Variants in ZNF471 observed in about 807,000 individuals in gnomAD.
The protein encoded by ZNF471 is EZFIT-related protein 1.
In ZNF471, 7 loss-of-function variants were observed where a neutral mutation model predicts 13.7. The ratio of observed to expected loss-of-function variants is 0.51; its 90% CI spans 0.29 to 0.96. ZNF471 has a LOEUF of 0.96. Among genes scored for constraint, ZNF471 ranks in the 40% least tolerant of loss-of-function variants. ZNF471 has a pLI of 0.08. For missense variants in ZNF471, 663 were observed against 743.3 expected (o/e 0.89, Z 1.26); for synonymous variants, 218 against 235.6 (o/e 0.93, Z 0.68).
intron 4 of ZNF471, among the ~76,000 whole-genome samples, chr19:56,523,411 CT>C (rs2044000195): frequency 6.7e-6 from 1 of 150,056 alleles, no homozygotes; most frequent in African/African-American, 2.5e-5. Context: ...TTTTACCAGG[CT>C]GTTGAAAGTA....
chr19:56,512,940 A>G (rs2043831409), intron 2 of ZNF471, among the ~76,000 whole-genome samples: 1 of 152,204 alleles, frequency 6.6e-6, no homozygotes, highest in Non-Finnish European at 1.5e-5. Flanking sequence ...AGATATTAAA[A>G]AACATTTACA....
chr19:56,515,729 C>G (rs1331216095), intron 2 of ZNF471, among the ~76,000 whole-genome samples: 2 of 152,174 alleles, frequency 1.3e-5, no homozygotes, highest in African/African-American at 4.8e-5. Flanking sequence ...GTGATTATAA[C>G]TGGTCATTAA....
Position 56,525,397 on chromosome 19 carries a change from G to T in ZNF471, c.1330G>T (p.Ala444Ser). The part of the protein sequence containing the change: ...DICGKDFSHH[A>S]SLTQHQRVHS... ...ATGTGGGAAAGATTTTAGCCATCAT[G>T]CATCACTCACTCAGCATCAAAGAGT... The change falls in exon 5 of 5, where the codon GCA becomes TCA. Residue 444 changes from alanine (A) to serine (S), a missense_variant. Ala to Ser is a moderately conservative substitution (Grantham distance 99, BLOSUM62 1). Coordinates refer to ENST00000308031, the MANE Select transcript of ZNF471 (RefSeq NM_020813.4). 1 of 1,614,020 alleles carries T rather than the reference G, an allele frequency of 6.2e-7. No individual in the cohort carries two copies. The highest frequency in any genetic ancestry group is 8.5e-7 in the Non-Finnish European group (1 of 1,180,010).
chr19:56,525,785 G>A lies in ZNF471; in HGVS notation c.1718G>A (p.Cys573Tyr). ...CATACTGGAGAGAAACCCTATAAAT[G>A]TACTGAATGTGGAAAGGCTTTTAGT... is the stretch of plus-strand genomic sequence containing the variant. The part of the protein sequence containing the change: ...RIHTGEKPYK[C>Y]TECGKAFSDS... The change falls in exon 5 of 5, where the codon TGT (cysteine) becomes TAT (tyrosine). Residue 573 changes from cysteine to tyrosine, a missense_variant. By Grantham distance (194) the Cys-to-Tyr change is radical. Transcript: ENST00000308031. 6.2e-7 allele frequency: 1 copy of A among 1,614,114 alleles called. No individual in the cohort carries two copies. Among genetic ancestry groups the A allele is most frequent in the Non-Finnish European group, 8.5e-7 (1 of 1,180,012 alleles).
chr19:56,523,693 T>A (rs1338495976), intron 4 of ZNF471, among the ~76,000 whole-genome samples: 5 of 152,324 alleles, frequency 3.3e-5, no homozygotes, highest in Admixed American at 3.3e-4. Context: ...GAAAACCAAT[T>A]ACAAGTGGAA....
Position 56,510,512 on chromosome 19 carries a change from G to A in ZNF471, c.-55-1005G>A. 2.0e-6 allele frequency: 2 copies of A among 985,762 alleles called. No individual in the cohort carries two copies. Among genetic ancestry groups the A allele is most frequent in the South Asian group, 4.7e-5 (1 of 21,280 alleles). 61.1% of individuals were successfully genotyped at this position (985,762 alleles called of 1,614,324 possible). A position where few individuals can be genotyped will look rare whatever the true frequency, so the allele number is the denominator to read the frequency against. ...TGTGTGTGAGAGAAGTAAGATTGGG[G>A]GTATGTGTGAAGGTGTTGGTGAATC... On this transcript the variant is annotated intron_variant, in intron 1 of 4. Coordinates refer to ENST00000308031, the MANE Select transcript of ZNF471 (RefSeq NM_020813.4). This position sits in a 1 kb window ranked among gnomAD's most constrained non-coding sequence, Gnocchi z 4.3.
intron 4 of ZNF471, among the ~76,000 whole-genome samples, chr19:56,520,003 T>G (rs1051873419): frequency 4.6e-5 from 7 of 152,190 alleles, no homozygotes; most frequent in Non-Finnish European, 7.3e-5. Context: ...TTCAGTATCA[T>G]TCCGGGTTTC....
In ZNF471 at chr19:56,525,714, G is replaced by A; in HGVS notation, c.1647G>A (p.Gly549=). The part of the protein sequence containing the change: ...GEKPYECNEC[G]KAFSQTSNLT... ...AACCTTATGAGTGTAATGAATGCGG[G>A]AAAGCCTTCAGCCAAACTTCCAATC... is the stretch of plus-strand genomic sequence containing the variant. Residue 549 remains glycine (G), a synonymous_variant, in exon 5 of 5, where the codon GGG becomes GGA. Transcript: ENST00000308031. The A allele has an allele frequency of 6.2e-7, 1 of 1,613,790 alleles. No individual in the cohort carries two copies. Among genetic ancestry groups the A allele is most frequent in the Non-Finnish European group, 8.5e-7 (1 of 1,179,794 alleles).
rs1223792330 is a variant in ZNF471, at chr19:56,529,364, G to A, written c.*3416G>A. On this transcript the variant is annotated 3_prime_UTR_variant, in exon 5 of 5. Coordinates refer to ENST00000308031, the MANE Select transcript of ZNF471 (RefSeq NM_020813.4). Reference sequence around the variant, plus strand: ...AGTTCATTCTATACTCATTACAGATGTAAGAGGTTAAGATGGTAGAGGAGA... The same window carrying A: ...AGTTCATTCTATACTCATTACAGATATAAGAGGTTAAGATGGTAGAGGAGA... The A allele has an allele frequency of 9.6e-6, 1 of 104,292 alleles. No individual in the cohort carries two copies. The highest frequency in any genetic ancestry group is 2.2e-5 in the Non-Finnish European group (1 of 45,730). The allele number at this position is 104,292 out of a possible 1,614,324, so 6.5% of individuals were successfully genotyped here. A position where few individuals can be genotyped will look rare whatever the true frequency, so the allele number is the denominator to read the frequency against.
chr19:56,509,855 G>C (rs1331328896), intron 1 of ZNF471: 2 of 985,154 alleles, frequency 2.0e-6, no homozygotes, highest in Non-Finnish European at 2.4e-6. Context: ...TGTTATCAGG[G>C]ACTGGATTGT....
chr19:56,525,824 G>T lies in ZNF471; in HGVS notation c.1757G>T (p.Cys586Phe). 1 of 1,614,164 alleles carries T rather than the reference G, an allele frequency of 6.2e-7. No homozygotes were observed. Among genetic ancestry groups the T allele is most frequent in the Non-Finnish European group, 8.5e-7 (1 of 1,180,024 alleles). Residue 586 changes from cysteine to phenylalanine, a missense_variant, in exon 5 of 5, where the codon TGT becomes TTT. Coordinates refer to ENST00000308031, the MANE Select transcript of ZNF471 (RefSeq NM_020813.4). ...CGKAFSDSSS[C>F]AQHQRLHTGQ... ...AAGGCTTTTAGTGATAGCTCATCCT[G>T]TGCTCAGCATCAAAGACTCCACACT... is the stretch of plus-strand genomic sequence containing the variant.
intron 1 of ZNF471, among the ~76,000 whole-genome samples, chr19:56,509,020 TGGCTTAC>T (rs747848719): frequency 4.6e-5 from 7 of 152,242 alleles, no homozygotes; most frequent in African/African-American, 7.2e-5. Flanking sequence ...TTATGTTTCC[TGGCTTAC>T]GACTTCTAAG....
chr19:56,507,952 C>G, intron 1 of ZNF471, 32 bp downstream of exon 1: 2 of 985,918 alleles, frequency 2.0e-6, no homozygotes, highest in Non-Finnish European at 2.4e-6. Flanking sequence ...AGTCCGAGCT[C>G]GAGGGCTGGG....
Position 56,530,125 on chromosome 19 carries a change from G to A in ZNF471, c.*4177G>A, listed in dbSNP as rs2044090801. On this transcript the variant is annotated 3_prime_UTR_variant, in exon 5 of 5. Coordinates refer to ENST00000308031, the MANE Select transcript of ZNF471 (RefSeq NM_020813.4). The stretch of plus-strand genomic sequence containing the variant: ...ATGAGATGGATCTCTACTCAAAGAT[G>A]TCTTGCAGTTTATGAACTGAGATGT... The A allele has an allele frequency of 6.6e-6, 1 of 152,208 alleles. No individual in the cohort carries two copies. The highest frequency in any genetic ancestry group is 2.4e-5 in the African/African-American group (1 of 41,452). The allele number at this position is 152,208 out of a possible 1,614,324, so 9.4% of individuals were successfully genotyped here.
In ZNF471 at chr19:56,513,182, C is replaced by T. The variant is rs1180511787; in HGVS notation, c.33+1578C>T. Reference sequence around the variant, plus strand: ...ACTGTCTTTAGTTTTGATATTTAACCTCATACTCCTGAATAATGTTCCATA... The same window carrying T: ...ACTGTCTTTAGTTTTGATATTTAACTTCATACTCCTGAATAATGTTCCATA... On this transcript the variant is annotated intron_variant, in intron 2 of 4. Transcript: ENST00000308031. Among the ~76,000 whole-genome samples, 4 of 152,108 alleles carry T rather than the reference C, an allele frequency of 2.6e-5. No individual in the cohort carries two copies. In the East Asian group the frequency reaches 7.7e-4, roughly 29 times the overall value.
chr19:56,510,982 A>T lies in ZNF471; in HGVS notation c.-55-535A>T. The stretch of plus-strand genomic sequence containing the variant: ...GGTTCCATCGTTTCAGGGTGAGGAA[A>T]GTGAAACAGTGCCGGGGGGTGGGTC... On this transcript the variant is annotated intron_variant, in intron 1 of 4. Transcript: ENST00000308031. The surrounding 1 kb of genome is among the most constrained non-coding windows in gnomAD (Gnocchi z 4.3). The T allele has an allele frequency of 1.0e-6, 1 of 984,670 alleles. No homozygotes were observed. Among genetic ancestry groups the T allele is most frequent in the Non-Finnish European group, 1.2e-6 (1 of 830,088 alleles). The allele number at this position is 984,670 out of a possible 1,614,324, so 61.0% of individuals were successfully genotyped here. A position where few individuals can be genotyped will look rare whatever the true frequency, so the allele number is the denominator to read the frequency against.
In ZNF471 at chr19:56,508,756, TGAGA is replaced by T. The variant is rs1230888406; in HGVS notation, c.-56+841_-56+844del. 3.4e-5 allele frequency among the ~76,000 whole-genome samples: 5 copies of T among 146,228 alleles called. No homozygotes were observed. The highest frequency in any genetic ancestry group is 7.4e-5 in the Non-Finnish European group (5 of 67,492). ...GCCGTGTTATGTGTGTCTGACAGAC[TGAGA>T]GAGACCAGAGTGTGAGACCAGGGTG... On this transcript the variant is annotated intron_variant, in intron 1 of 4. Transcript: ENST00000308031. This position sits in a 1 kb window ranked among gnomAD's most constrained non-coding sequence, Gnocchi z 4.7.
chr19:56,526,011 T>C lies in ZNF471; in HGVS notation c.*63T>C. On this transcript the variant is annotated 3_prime_UTR_variant, in exon 5 of 5. Coordinates refer to ENST00000308031, the MANE Select transcript of ZNF471 (RefSeq NM_020813.4). ...AATCCCCTACTGTTAATCAGAGATG[T>C]CCCACTGGATAAAAAACATATAAAT... 6.9e-7 allele frequency: 1 copy of C among 1,439,748 alleles called. No individual in the cohort carries two copies. 89.2% of individuals were successfully genotyped at this position (1,439,748 alleles called of 1,614,324 possible). A position where few individuals can be genotyped will look rare whatever the true frequency, so the allele number is the denominator to read the frequency against.
Position 56,525,449 on chromosome 19 carries a change from G to A in ZNF471, c.1382G>A (p.Cys461Tyr). The change falls in exon 5 of 5, where the codon TGC (cysteine) becomes TAC (tyrosine). Residue 461 changes from cysteine (C) to tyrosine (Y), a missense_variant. Cys to Tyr is a radical substitution (Grantham distance 194, BLOSUM62 -2). Coordinates refer to ENST00000308031, the MANE Select transcript of ZNF471 (RefSeq NM_020813.4). ...RVHSGEKPYE[C>Y]KECGKAFRQN... ...CATTCTGGAGAGAAACCGTATGAAT[G>A]CAAGGAATGTGGGAAAGCCTTTAGG... 6.2e-7 allele frequency: 1 copy of A among 1,614,160 alleles called. No individual in the cohort carries two copies. The highest frequency in any genetic ancestry group is 8.5e-7 in the Non-Finnish European group (1 of 1,180,034).
Sources: allele counts gnomAD v4.1 joint callset (sites outside exome capture counted in the v4.1 genomes callset), GRCh38; gene constraint gnomAD v4.1.1; non-coding constraint Gnocchi (gnomAD v3.1); transcripts MANE v1.5; gene names NCBI Gene and HGNC (gene_info 2026-07-23, HGNC 2026-07-21).